Variants in RAD51AP2 observed in about 807,000 individuals in gnomAD.
The protein encoded by RAD51AP2 is RAD51 associated protein 2, also known as RAD51-associated protein 2.
A neutral mutation model predicts 85.5 loss-of-function variants in RAD51AP2; 67 were observed. The ratio of observed to expected loss-of-function variants is 0.78; its 90% CI spans 0.64 to 0.96. The LOEUF (loss-of-function observed/expected upper bound fraction) is 0.96, where lower values mean the gene tolerates loss of function less well. Ranked by LOEUF, RAD51AP2 falls within the 40% of genes least tolerant of loss-of-function variation. The probability of loss-of-function intolerance (pLI) is 0.00; values close to 1 mark genes in which losing one functional copy is unlikely to be tolerated. For missense variants in RAD51AP2, 1,307 were observed against 1,332.4 expected (o/e 0.98, Z 0.30); for synonymous variants, 474 against 446.5 (o/e 1.06, Z -0.78).
chr2:17,532,494 A>C, the RAD51AP2 span, among the ~76,000 whole-genome samples: 1 of 152,158 alleles, frequency 6.6e-6, no homozygotes, highest in Non-Finnish European at 1.5e-5. Flanking sequence ...TAGCCTGGGC[A>C]ACATAACGAG....
At chr2:17,511,087 A>T in intron 2 of RAD51AP2, 132 bp from the exon 3 acceptor site, 1 of 468,358 alleles carries the variant, frequency 2.1e-6, no homozygotes, top group Non-Finnish European at 3.6e-6. Flanking sequence ...GCCAGACACT[A>T]TACTTTAAAT....
At chr2:17,532,920 T>C in the RAD51AP2 span, among the ~76,000 whole-genome samples, 1 of 152,380 alleles carries the variant, frequency 6.6e-6, no homozygotes, top group East Asian at 1.9e-4. Context: ...ATTTTAATCC[T>C]GCAAATACTT....
At position 17,516,866 on chromosome 2, in the gene RAD51AP2, T is replaced by A. The variant is rs988814789; in HGVS notation, c.1550A>T (p.His517Leu). The A allele has an allele frequency of 3.2e-6, 5 of 1,558,036 alleles. No individual in the cohort carries two copies. The highest frequency in any genetic ancestry group is 1.7e-6 in the Non-Finnish European group (2 of 1,152,380). ...TTTTTTATTTCCTGAAATACTTTTA[T>A]GGAAATAAAAAATTTCTATAATGAA... ...ESFIIEIFYF[H>L]KSISGNKKDN... The change falls in exon 1 of 3, where the codon CAT becomes CTT. Residue 517 changes from histidine (H) to leucine (L), a missense_variant. Physicochemically the swap from His to Leu is moderately conservative, Grantham distance 99. Coordinates refer to ENST00000399080, the MANE Select transcript of RAD51AP2 (RefSeq NM_001099218.3).
chr2:17,515,764 A>G lies in RAD51AP2; in HGVS notation c.2652T>C (p.Asn884=). The change falls in exon 1 of 3, where the codon AAT becomes AAC. Residue 884 remains asparagine (N), a synonymous_variant. Coordinates refer to ENST00000399080, the MANE Select transcript of RAD51AP2 (RefSeq NM_001099218.3). Reference sequence around the variant, plus strand: ...GATTAACATATTTATTTTCTTCCACATTTACTTCCTTACTTATTAATGAAA... The same window carrying G: ...GATTAACATATTTATTTTCTTCCACGTTTACTTCCTTACTTATTAATGAAA... ...QSVSLISKEV[N]VEENKYVNQN... 1.3e-6 allele frequency: 2 copies of G among 1,596,562 alleles called. No individual in the cohort carries two copies. The highest frequency in any genetic ancestry group is 1.7e-6 in the Non-Finnish European group (2 of 1,170,968).
the RAD51AP2 span, among the ~76,000 whole-genome samples, chr2:17,529,678 A>G: frequency 1.3e-5 from 2 of 152,252 alleles, no homozygotes; most frequent in Non-Finnish European, 2.9e-5. Context: ...TGAATATTCC[A>G]TTCATATTAA....
Position 17,515,609 on chromosome 2 carries a change from C to T in RAD51AP2, c.2807G>A (p.Ser936Asn). 6.2e-7 allele frequency: 1 copy of T among 1,611,814 alleles called. No homozygotes were observed. Among genetic ancestry groups the T allele is most frequent in the Non-Finnish European group, 8.5e-7 (1 of 1,179,062 alleles). Residue 936 changes from serine (S) to asparagine (N), a missense_variant, in exon 1 of 3, where the codon AGT becomes AAT. By Grantham distance (46) the Ser-to-Asn change is conservative. This residue lies in a region of RAD51AP2 where 668 missense variants were observed against 671.0 expected (regional missense o/e 1.00). Transcript: ENST00000399080. ...CTGAAAACATTCATCATTCCCTTCA[C>T]TCAGACCAGTTTCAAATTGATGATT... Reference protein sequence around the residue: ...YINHQFETGLSEGNDECFQDL... With the variant: ...YINHQFETGLNEGNDECFQDL...
In RAD51AP2 at chr2:17,517,800, G is replaced by T; in HGVS notation, c.616C>A (p.His206Asn). The change falls in exon 1 of 3, where the codon CAT (histidine) becomes AAT (asparagine). Residue 206 changes from histidine (H) to asparagine (N), a missense_variant. By Grantham distance (68) the His-to-Asn change is moderately conservative. Coordinates refer to ENST00000399080, the MANE Select transcript of RAD51AP2 (RefSeq NM_001099218.3). ...GCTTTACATCTGTTCTTAATTTCAT[G>T]AAATGGTGATTTAGTTTCCTTGTAA... The part of the protein sequence containing the change: ...TFYKETKSPF[H>N]EIKNRCKANS... The T allele has an allele frequency of 1.2e-6, 2 of 1,614,068 alleles. No individual in the cohort carries two copies. Among genetic ancestry groups the T allele is most frequent in the Non-Finnish European group, 1.7e-6 (2 of 1,179,950 alleles).
chr2:17,520,121 G>A (rs373827341), upstream of RAD51AP2, among the ~76,000 whole-genome samples: 11 of 152,160 alleles, frequency 7.2e-5, no homozygotes, highest in South Asian at 1.9e-3. Flanking sequence ...AGTATTACAT[G>A]TAACTCAACA....
chr2:17,536,805 AACTC>A, the RAD51AP2 span, among the ~76,000 whole-genome samples: 5 of 152,134 alleles, frequency 3.3e-5, no homozygotes, highest in South Asian at 8.3e-4. Flanking sequence ...GGAGGCCTAA[AACTC>A]ACCCATTAAC....
In RAD51AP2 at chr2:17,517,546, A is replaced by G. The variant is rs768114984; in HGVS notation, c.870T>C (p.Val290=). The change falls in exon 1 of 3, where the codon GTT becomes GTC. Residue 290 remains valine (V), a synonymous_variant. Coordinates refer to ENST00000399080, the MANE Select transcript of RAD51AP2 (RefSeq NM_001099218.3). ...ACCAGTAAATGTTTGTGAAATCCCT[A>G]ACATATGCCTCTTTTTTGTCATTCT... The part of the protein sequence containing the change: ...KKKNDKKEAY[V]RDFTNIYWSQ... 3.7e-6 allele frequency: 6 copies of G among 1,613,552 alleles called. No homozygotes were observed. The African/African-American group carries it at 8.0e-5, about 22-fold the overall frequency.
chr2:17,527,326 A>C, the RAD51AP2 span, among the ~76,000 whole-genome samples: 1 of 152,184 alleles, frequency 6.6e-6, no homozygotes, highest in Non-Finnish European at 1.5e-5. Flanking sequence ...GGAGGGAAAG[A>C]GGCTGAGGCC....
the RAD51AP2 span, among the ~76,000 whole-genome samples, chr2:17,524,698 G>T: frequency 6.6e-6 from 1 of 151,850 alleles, no homozygotes; most frequent in Non-Finnish European, 1.5e-5. Flanking sequence ...ACTTGGGATA[G>T]TTAATTTGGT....
At chr2:17,535,573 C>T in the RAD51AP2 span, among the ~76,000 whole-genome samples, 1 of 152,084 alleles carries the variant, frequency 6.6e-6, no homozygotes, top group Admixed American at 6.6e-5. Flanking sequence ...AAATGGAATT[C>T]ACGGGATTCA....
the RAD51AP2 span, among the ~76,000 whole-genome samples, chr2:17,537,417 G>A: frequency 6.6e-6 from 1 of 152,058 alleles, no homozygotes; most frequent in Non-Finnish European, 1.5e-5. Context: ...TTGGAATAAA[G>A]GTATGCTATC....
At position 17,517,622 on chromosome 2, in the gene RAD51AP2, T is replaced by C; in HGVS notation, c.794A>G (p.Asp265Gly). Residue 265 changes from aspartate (D) to glycine (G), a missense_variant, in exon 1 of 3, where the codon GAC (aspartate) becomes GGC (glycine). Physicochemically the swap from Asp to Gly is moderately conservative, Grantham distance 94 (BLOSUM62 -1). Coordinates refer to ENST00000399080, the MANE Select transcript of RAD51AP2 (RefSeq NM_001099218.3). The part of the protein sequence containing the change: ...GTISVPQFPM[D>G]LNSKMSSVYL... Reference sequence around the variant, plus strand: ...GACAGAGGACATTTTGCTATTTAAGTCCATTGGAAACTGAGGGACACTTAT... The same window carrying C: ...GACAGAGGACATTTTGCTATTTAAGCCCATTGGAAACTGAGGGACACTTAT... 1 of 1,614,034 alleles carries C rather than the reference T, an allele frequency of 6.2e-7. No individual in the cohort carries two copies. Among genetic ancestry groups the C allele is most frequent in the Non-Finnish European group, 8.5e-7 (1 of 1,179,966 alleles).
chr2:17,536,411 C>T, the RAD51AP2 span, among the ~76,000 whole-genome samples: 1 of 152,132 alleles, frequency 6.6e-6, no homozygotes, highest in Non-Finnish European at 1.5e-5. Flanking sequence ...TGGAGTGTTG[C>T]CACTAACGAT....
At chr2:17,533,589 G>A in the RAD51AP2 span, among the ~76,000 whole-genome samples, 1 of 152,036 alleles carries the variant, frequency 6.6e-6, no homozygotes, top group Non-Finnish European at 1.5e-5. Context: ...GACTCTTCTA[G>A]TCCCTCCGTG....
rs1476388498 is a variant in RAD51AP2, at chr2:17,515,746, A to G, written c.2670T>C (p.Tyr890=). The G allele has an allele frequency of 6.3e-7, 1 of 1,597,340 alleles. No individual in the cohort carries two copies. The highest frequency in any genetic ancestry group is 1.1e-5 in the South Asian group (1 of 87,726). ...SKEVNVEENK[Y]VNQNYVTNTN... is the part of the protein sequence containing the mutation. Reference sequence around the variant, plus strand: ...TATTTGTTACATAATTTTGATTAACATATTTATTTTCTTCCACATTTACTT... The same window carrying G: ...TATTTGTTACATAATTTTGATTAACGTATTTATTTTCTTCCACATTTACTT... The change falls in exon 1 of 3, where the codon TAT becomes TAC. Residue 890 remains tyrosine, a synonymous_variant. Transcript: ENST00000399080.
chr2:17,531,028 C>T, the RAD51AP2 span, among the ~76,000 whole-genome samples: 1 of 152,140 alleles, frequency 6.6e-6, no homozygotes, highest in Non-Finnish European at 1.5e-5. Flanking sequence ...AATCTTTGGG[C>T]TGTATCTATT....
Sources: gnomAD v4.1 joint callset for allele counts (sites outside exome capture counted in the v4.1 genomes callset) on GRCh38, gnomAD v4.1.1 for gene constraint, gnomAD v4.1.1 regional missense constraint, MANE v1.5 for transcripts, NCBI Gene and HGNC (gene_info 2026-07-23, HGNC 2026-07-21) for gene names.